DDX10: variants seen among roughly 807,000 people sequenced by gnomAD.
DDX10 encodes probable ATP-dependent RNA helicase DDX10.
Under a neutral mutation model 104.3 loss-of-function variants are expected in DDX10, and 74 were observed. That is an observed-to-expected ratio of 0.71 (90% CI 0.59 to 0.86). The LOEUF is 0.86. Among genes scored for constraint, DDX10 ranks in the 40% least tolerant of loss-of-function variants. The probability of loss-of-function intolerance (pLI) is 0.00; values close to 1 mark genes in which losing one functional copy is unlikely to be tolerated. For missense variants in DDX10, 952 were observed against 1,040.0 expected (o/e 0.92, Z 1.16); for synonymous variants, 351 against 353.4 (o/e 0.99, Z 0.08).
At chr11:108,885,910 C>T (rs1467227225) in intron 16 of DDX10, among the ~76,000 whole-genome samples, 1 of 152,096 alleles carries the variant, frequency 6.6e-6, no homozygotes, top group East Asian at 1.9e-4. Flanking sequence ...AGAAAATCTT[C>T]TATTTATTAC....
intron 16 of DDX10, among the ~76,000 whole-genome samples, chr11:108,873,800 T>G (rs752657056): frequency 1.3e-5 from 2 of 152,200 alleles, no homozygotes; most frequent in Non-Finnish European, 2.9e-5. Flanking sequence ...ACAAAGCTAC[T>G]TATGAGAAAG....
At chr11:108,808,230 C>T (rs536319871) in intron 13 of DDX10, among the ~76,000 whole-genome samples, 37 of 151,738 alleles carry the variant, frequency 2.4e-4, no homozygotes, top group Admixed American at 7.2e-4. Context: ...AATTTTTTTT[C>T]CAGTAACTAT....
chr11:108,771,419 G>A (rs1421718743), intron 13 of DDX10, among the ~76,000 whole-genome samples: 2 of 151,886 alleles, frequency 1.3e-5, no homozygotes, highest in Non-Finnish European at 2.9e-5. Context: ...GAGTGCAGTG[G>A]CATGATCTCG....
At chr11:108,893,563 T>C (rs1399236234) in intron 16 of DDX10, among the ~76,000 whole-genome samples, 1 of 151,976 alleles carries the variant, frequency 6.6e-6, no homozygotes, top group Non-Finnish European at 1.5e-5. Flanking sequence ...GTTTTCCTTA[T>C]AGCAGTTTAT....
intron 2 of DDX10, among the ~76,000 whole-genome samples, chr11:108,675,159 C>T (rs927498821): frequency 5.9e-5 from 9 of 151,354 alleles, no homozygotes; most frequent in Admixed American, 5.3e-4. Flanking sequence ...TTTCTTTACT[C>T]ATTCATGGAC....
chr11:108,752,366 C>A (rs1338396578), intron 13 of DDX10, among the ~76,000 whole-genome samples: 1 of 152,130 alleles, frequency 6.6e-6, no homozygotes, highest in African/African-American at 2.4e-5. Flanking sequence ...TTGCTACTTT[C>A]ATTTTTTGGT....
At chr11:108,778,203 C>A (rs1294402203) in intron 13 of DDX10, among the ~76,000 whole-genome samples, 3 of 152,140 alleles carry the variant, frequency 2.0e-5, no homozygotes, top group South Asian at 2.1e-4. Flanking sequence ...CTTTAAAGTT[C>A]ATATGGAACC....
intron 13 of DDX10, among the ~76,000 whole-genome samples, chr11:108,775,509 G>T (rs906863545): frequency 1.5e-4 from 23 of 152,218 alleles, no homozygotes; most frequent in Non-Finnish European, 1.5e-5. Context: ...CTATGTGTCT[G>T]TTTGATTAAT....
In DDX10 at chr11:108,689,021, C is replaced by A. The variant is rs763464362; in HGVS notation, c.934C>A (p.Leu312Met). Reference protein sequence around the residue: ...SVLYSFLRSHLKKKSIVFFSS... With the variant: ...SVLYSFLRSHMKKKSIVFFSS... ...GCTGTATTCCTTTTTGAGAAGCCAT[C>A]TGAAGAAGAAGAGCATTGTATTTTT... The change falls in exon 7 of 18, where the codon CTG becomes ATG. Residue 312 changes from leucine to methionine, a missense_variant. This residue lies in a region of DDX10 where 412 missense variants were observed against 479.2 expected (regional missense o/e 0.86). Coordinates refer to ENST00000322536, the MANE Select transcript of DDX10 (RefSeq NM_004398.4). The A allele has an allele frequency of 1.2e-6, 2 of 1,613,976 alleles. No homozygotes were observed. Among genetic ancestry groups the A allele is most frequent in the African/African-American group, 2.7e-5 (2 of 74,936 alleles).
At chr11:108,881,592 G>GT (rs1292174856) in intron 16 of DDX10, among the ~76,000 whole-genome samples, 1 of 152,068 alleles carries the variant, frequency 6.6e-6, no homozygotes, top group African/African-American at 2.4e-5. Context: ...CAACCCTTCT[G>GT]TTTTTCACTT....
At chr11:108,923,529 A>C (rs1863867214) in intron 17 of DDX10, among the ~76,000 whole-genome samples, 1 of 152,218 alleles carries the variant, frequency 6.6e-6, no homozygotes. Flanking sequence ...TCTTCCATCC[A>C]TTCTTTCAAC....
rs919317318 is a variant in DDX10 at position 108,797,207 on chromosome 11, T to G, written c.1966-41239T>G. On this transcript the variant is annotated intron_variant, in intron 13 of 17. Transcript: ENST00000322536. ...TGCCAGCATGCCCAGCTAATTTTTG[T>G]ATTTTTAGTAGAGACGAGGTTTCAC... Among the ~76,000 whole-genome samples the G allele has an allele frequency of 3.9e-5, 6 of 152,198 alleles. No homozygotes were observed. In the East Asian group the frequency reaches 1.2e-3, roughly 29 times the overall value.
At chr11:108,830,197 G>A in intron 13 of DDX10, among the ~76,000 whole-genome samples, 1 of 152,186 alleles carries the variant, frequency 6.6e-6, no homozygotes, top group East Asian at 1.9e-4. Context: ...TTATGGGCAT[G>A]GGATATGTTT....
intron 13 of DDX10, among the ~76,000 whole-genome samples, chr11:108,830,497 G>C (rs546144510): frequency 3.7e-4 from 56 of 152,150 alleles, no homozygotes; most frequent in African/African-American, 1.4e-3. Context: ...AGCAAACAGC[G>C]ACAGTTTGAT....
chr11:108,781,712 C>T (rs2094378295), intron 13 of DDX10, among the ~76,000 whole-genome samples: 1 of 152,002 alleles, frequency 6.6e-6, no homozygotes, highest in Non-Finnish European at 1.5e-5. Flanking sequence ...GTAGTTAAAA[C>T]TGTAAACCAA....
At chr11:108,869,914 C>T (rs1357924841) in intron 16 of DDX10, among the ~76,000 whole-genome samples, 1 of 151,812 alleles carries the variant, frequency 6.6e-6, no homozygotes, top group Admixed American at 6.6e-5. Context: ...TCTTATACTC[C>T]ACCACAATTT....
intron 15 of DDX10, among the ~76,000 whole-genome samples, chr11:108,847,441 G>A (rs571402456): frequency 6.6e-5 from 10 of 152,208 alleles, no homozygotes; most frequent in South Asian, 2.1e-4. Context: ...CTTGAAATTC[G>A]AGTGCTTTAT....
chr11:108,824,553 T>C (rs1201092493), intron 13 of DDX10, among the ~76,000 whole-genome samples: 2 of 152,222 alleles, frequency 1.3e-5, no homozygotes, highest in African/African-American at 4.8e-5. Flanking sequence ...ATAGCCAATT[T>C]GGACACAAGT....
At chr11:108,747,163 A>G (rs1001127719) in intron 13 of DDX10, among the ~76,000 whole-genome samples, 1 of 152,182 alleles carries the variant, frequency 6.6e-6, no homozygotes, top group African/African-American at 2.4e-5. Flanking sequence ...GAGGCCCAGT[A>G]TATGAATTTG....
Sources: allele counts gnomAD v4.1 joint callset (sites outside exome capture counted in the v4.1 genomes callset), GRCh38; gene constraint gnomAD v4.1.1; regional missense constraint gnomAD v4.1.1; transcripts MANE v1.5; gene names NCBI Gene and HGNC (gene_info 2026-07-23, HGNC 2026-07-21).